The following EYS variants were observed in gnomAD, a reference collection of about 807,000 sequenced individuals.
The protein encoded by EYS is EGF-like photoreceptor maintenance factor.
In EYS, 250 loss-of-function variants were observed where a neutral mutation model predicts 282.1. The observed-to-expected ratio is 0.89, with a 90% CI of 0.80 to 0.98. The LOEUF is 0.98. Among genes scored for constraint, EYS ranks in the 50% least tolerant of loss-of-function variants. The pLI is 0.00. For missense variants in EYS, 4,016 were observed against 3,709.0 expected, an observed-to-expected ratio of 1.08 and a Z score of -2.15; for synonymous variants, 1,355 against 1,282.9, an observed-to-expected ratio of 1.06 and a Z score of -1.20.
chr6:65,663,968 T>C (rs1768111457), intron 1 of EYS, among the ~76,000 whole-genome samples: 1 of 145,956 alleles, frequency 6.9e-6, no homozygotes, highest in Non-Finnish European at 1.5e-5. Context: ...GCCTCACGGG[T>C]TCAGGCCATT....
At chr6:64,857,160 A>G (rs1053713446) in intron 19 of EYS, among the ~76,000 whole-genome samples, 6 of 152,166 alleles carry the variant, frequency 3.9e-5, no homozygotes, top group African/African-American at 7.2e-5. Context: ...TACCATAATA[A>G]AGTATAGTAA....
chr6:65,126,821 G>A (rs1464098700), intron 12 of EYS, among the ~76,000 whole-genome samples: 1 of 152,102 alleles, frequency 6.6e-6, no homozygotes, highest in East Asian at 1.9e-4. Flanking sequence ...AAAAAGCCTG[G>A]GGGATGGTGC....
At chr6:63,842,986 A>G (rs1772001872) in intron 36 of EYS, among the ~76,000 whole-genome samples, 1 of 152,196 alleles carries the variant, frequency 6.6e-6, no homozygotes, top group African/African-American at 2.4e-5. Flanking sequence ...TGGTACCAGT[A>G]CCATGCTGTT....
intron 26 of EYS, 141 bp downstream of exon 26, chr6:64,590,082 G>A: frequency 3.0e-6 from 2 of 664,308 alleles, no homozygotes; most frequent in East Asian, 5.5e-5. Flanking sequence ...ACAACAGCAG[G>A]TGCCTTCTCA....
At chr6:65,637,629 T>C (rs1247972989) in intron 2 of EYS, among the ~76,000 whole-genome samples, 1 of 152,158 alleles carries the variant, frequency 6.6e-6, no homozygotes, top group Non-Finnish European at 1.5e-5. Context: ...AAGTACCTGC[T>C]CCTGCTCCCT....
chr6:64,487,171 A>G (rs959268039), intron 26 of EYS, among the ~76,000 whole-genome samples: 3 of 151,172 alleles, frequency 2.0e-5, no homozygotes, highest in Non-Finnish European at 3.0e-5. Flanking sequence ...GACAGTTTGG[A>G]GTGCTTTTTC....
At chr6:65,300,768 C>T (rs530427340) in intron 11 of EYS, 1 of 152,350 alleles carries the variant, frequency 6.6e-6, no homozygotes, top group South Asian at 2.1e-4. Flanking sequence ...CTTTTACCTA[C>T]ATCCACTCAG....
At chr6:65,028,599 G>A (rs9354207) in intron 13 of EYS, among the ~76,000 whole-genome samples, 10,389 of 151,958 alleles carry the variant, frequency 0.068, 451 homozygotes, top group East Asian at 0.13. Flanking sequence ...TTTATCTGAT[G>A]TTACCTTTTG....
chr6:64,966,309 A>C (rs1770092822), intron 14 of EYS, among the ~76,000 whole-genome samples: 1 of 152,164 alleles, frequency 6.6e-6, no homozygotes, highest in Non-Finnish European at 1.5e-5. Context: ...TTTTGTCAAA[A>C]TCTAGAAAGA....
At chr6:64,367,628 G>T (rs1044619388) in intron 29 of EYS, among the ~76,000 whole-genome samples, 1 of 151,942 alleles carries the variant, frequency 6.6e-6, no homozygotes, top group Non-Finnish European at 1.5e-5. Context: ...AAAAATTATG[G>T]CTGTTATCTT....
intron 33 of EYS, among the ~76,000 whole-genome samples, chr6:64,020,696 T>C (rs1468753657): frequency 6.6e-6 from 1 of 152,166 alleles, no homozygotes; most frequent in Non-Finnish European, 1.5e-5. Context: ...TAAAAAGAAA[T>C]ATTGATATTC....
chr6:65,047,586 T>C (rs1583432566), intron 13 of EYS, among the ~76,000 whole-genome samples: 1 of 151,948 alleles, frequency 6.6e-6, no homozygotes, highest in Non-Finnish European at 1.5e-5. Flanking sequence ...CATACCACAT[T>C]CCACTGCCCT....
At chr6:63,777,785 A>G (rs1770101758) in intron 40 of EYS, 1 of 475,902 alleles carries the variant, frequency 2.1e-6, no homozygotes. Flanking sequence ...GTAGTGATTC[A>G]CTGTCATTGT....
chr6:63,951,840 A>G (rs1049728014), intron 35 of EYS, among the ~76,000 whole-genome samples: 3 of 152,198 alleles, frequency 2.0e-5, no homozygotes, highest in Non-Finnish European at 4.4e-5. Flanking sequence ...ATAAAAACCC[A>G]GCCCATTTCA....
At chr6:63,847,404 C>T (rs1173109135) in intron 36 of EYS, among the ~76,000 whole-genome samples, 1 of 152,124 alleles carries the variant, frequency 6.6e-6, no homozygotes, top group Non-Finnish European at 1.5e-5. Flanking sequence ...CCTTCCTCTC[C>T]CTTTTTCTCT....
chr6:64,704,473 A>T (rs1770907762), intron 22 of EYS, among the ~76,000 whole-genome samples: 1 of 30,736 alleles, frequency 3.3e-5, no homozygotes, highest in Admixed American at 3.8e-4. Flanking sequence ...TATAATACTT[A>T]TAATTATATT....
intron 5 of EYS, chr6:65,490,307 C>A (rs1162480418): frequency 4.3e-6 from 1 of 235,132 alleles, no homozygotes; most frequent in Non-Finnish European, 8.3e-6. Context: ...ATTTCAAATT[C>A]ATTGGTCATA....
chr6:63,754,420 C>A (rs1365609130), intron 41 of EYS, among the ~76,000 whole-genome samples: 1 of 152,228 alleles, frequency 6.6e-6, no homozygotes, highest in South Asian at 2.1e-4. Context: ...TCAGCTCCCA[C>A]TTATGAGTGA....
At chr6:64,238,949 G>C (rs545981337) in intron 30 of EYS, among the ~76,000 whole-genome samples, 1 of 152,134 alleles carries the variant, frequency 6.6e-6, no homozygotes, top group East Asian at 1.9e-4. Flanking sequence ...TCCCCTCCCT[G>C]TGTCCATGTG....
Sources: allele counts gnomAD v4.1 joint callset (sites outside exome capture counted in the v4.1 genomes callset), GRCh38; gene constraint gnomAD v4.1.1; transcripts MANE v1.5; gene names NCBI Gene and HGNC (gene_info 2026-07-23, HGNC 2026-07-21).